COL20A1: variants seen among roughly 807,000 people sequenced by gnomAD.
COL20A1 encodes collagen alpha-1(XX) chain.
A neutral mutation model predicts 152.9 loss-of-function variants in COL20A1; 164 were observed. The ratio of observed to expected loss-of-function variants is 1.07; its 90% confidence interval spans 0.94 to 1.22. COL20A1 has a LOEUF of 1.22. Among genes scored for constraint, COL20A1 ranks in the 50% most tolerant of loss-of-function variants. The pLI is 0.00. For missense variants in COL20A1, 1,873 were observed against 1,744.8 expected (o/e 1.07, Z -1.31); for synonymous variants, 864 against 756.0 (o/e 1.14, Z -2.34).
chr20:63,307,392 G>T, intron 5 of COL20A1, 98 bp from the exon 6 acceptor site: 1 of 1,192,264 alleles, frequency 8.4e-7, no homozygotes. Flanking sequence ...GGCCCAGCCT[G>T]CCTCACTCTT....
At chr20:63,317,965 G>T (rs536466988) in intron 21 of COL20A1, among the ~76,000 whole-genome samples, 3 of 152,086 alleles carry the variant, frequency 2.0e-5, no homozygotes, top group Non-Finnish European at 2.9e-5. Flanking sequence ...CCTGCAGCCC[G>T]AGGCAGCTTC....
intron 3 of COL20A1, among the ~76,000 whole-genome samples, chr20:63,298,905 G>A (rs1000366283): frequency 4.6e-5 from 7 of 152,312 alleles, no homozygotes; most frequent in Middle Eastern, 3.4e-3. Flanking sequence ...GGTGGAAAAC[G>A]ACCGTCCCGG....
intron 21 of COL20A1, among the ~76,000 whole-genome samples, chr20:63,318,560 TC>T (rs773869246): frequency 1.8e-4 from 27 of 152,190 alleles, no homozygotes; most frequent in Non-Finnish European, 3.1e-4. Context: ...GGGGAGCTGC[TC>T]CCGAGAGCAG....
rs1036847274 is a variant in COL20A1 at position 63,305,663 on chromosome 20, G to A, written c.337+103G>A. ...TCCTCCAGGCTGCGTTCCAGCCCCA[G>A]GGGTGGGTATGTGTGAAGCAGTTCT... On this transcript the variant is annotated intron_variant, in intron 4 of 35. Coordinates refer to ENST00000358894, the MANE Select transcript of COL20A1 (RefSeq NM_020882.4). This position sits in a 1 kb window ranked among gnomAD's most constrained non-coding sequence, Gnocchi z 4.9. 2 of 1,343,364 alleles carry A rather than the reference G, an allele frequency of 1.5e-6. No homozygotes were observed. The highest frequency in any genetic ancestry group is 2.3e-4 in the Middle Eastern group (1 of 4,324). The allele number at this position is 1,343,364 out of a possible 1,614,324, so 83.2% of individuals were successfully genotyped here. A position where few individuals can be genotyped will look rare whatever the true frequency, so the allele number is the denominator to read the frequency against.
In COL20A1 at chr20:63,313,701, C is replaced by A; in HGVS notation, c.2210-42C>A. The A allele has an allele frequency of 2.6e-6, 4 of 1,513,802 alleles. No individual in the cohort carries two copies. Among genetic ancestry groups the A allele is most frequent in the Middle Eastern group, 2.3e-4 (1 of 4,402 alleles). The allele number at this position is 1,513,802 out of a possible 1,614,324, so 93.8% of individuals were successfully genotyped here. On this transcript the variant is annotated intron_variant, in intron 17 of 35. Coordinates refer to ENST00000358894, the MANE Select transcript of COL20A1 (RefSeq NM_020882.4). The surrounding 1 kb of genome is among the most constrained non-coding windows in gnomAD (Gnocchi z 5.9). The stretch of plus-strand genomic sequence containing the variant: ...CCTCTGGCCACCGGGTGCCTCCTTT[C>A]TGGAGGGGCCTGAGCCCCACACAAC...
intron 19 of COL20A1, among the ~76,000 whole-genome samples, chr20:63,314,835 C>T (rs1430018330): frequency 3.0e-5 from 4 of 135,102 alleles, no homozygotes; most frequent in East Asian, 4.0e-4. Flanking sequence ...CCAGCCTGCC[C>T]GCACACCAGG....
rs1351822118 is a variant in COL20A1 at position 63,319,921 on chromosome 20, G to C, written c.2917-118G>C. The C allele has an allele frequency of 3.9e-6, 4 of 1,030,102 alleles. No homozygotes were observed. The East Asian group carries it at 1.1e-4, about 27-fold the overall frequency. The allele number at this position is 1,030,102 out of a possible 1,614,324, so 63.8% of individuals were successfully genotyped here. ...CCCCCGAAACCTGAGGTGAGGTCAG[G>C]TTCCTGACCCCAGGTCCCAGGGATG... is the stretch of plus-strand genomic sequence containing the variant. On this transcript the variant is annotated intron_variant, in intron 23 of 35. Coordinates refer to ENST00000358894, the MANE Select transcript of COL20A1 (RefSeq NM_020882.4). The surrounding 1 kb of genome is among the most constrained non-coding windows in gnomAD (Gnocchi z 4.4).
At chr20:63,316,313 C>T (rs2123414042) in intron 20 of COL20A1, among the ~76,000 whole-genome samples, 1 of 152,226 alleles carries the variant, frequency 6.6e-6, no homozygotes, top group Non-Finnish European at 1.5e-5. Context: ...GCGGCCCCTC[C>T]CAGTGTGTTG....
Position 63,311,669 on chromosome 20 carries a change from T to TGGCAGGGACTATGAGGTTCCA in COL20A1, c.1601_1602insTCCAGGCAGGGACTATGAGGT (p.Pro528_Val534dup). The TGGCAGGGACTATGAGGTTCCA allele has an allele frequency of 3.7e-6, 6 of 1,607,654 alleles. No individual in the cohort carries two copies. Among genetic ancestry groups the TGGCAGGGACTATGAGGTTCCA allele is most frequent in the Non-Finnish European group, 5.1e-6 (6 of 1,179,148 alleles). Reference sequence around the variant, plus strand: ...AGGTGCTGCTGGATGGCCTGGAACCTGGCAGGGACTATGAGGTCTCGGTGC... The same window carrying TGGCAGGGACTATGAGGTTCCA: ...AGGTGCTGCTGGATGGCCTGGAACCTGGCAGGGACTATGAGGTTCCAGGCAGGGACTATGAGGTCTCGGTGC... On this transcript the variant is annotated inframe_insertion, in exon 13 of 36. Coordinates refer to ENST00000358894, the MANE Select transcript of COL20A1 (RefSeq NM_020882.4). This position sits in a 1 kb window ranked among gnomAD's most constrained non-coding sequence, Gnocchi z 4.4.
In COL20A1 at chr20:63,311,927, C is replaced by A. The variant is rs1453655323; in HGVS notation, c.1675C>A (p.Pro559Thr). 6.4e-7 allele frequency: 1 copy of A among 1,559,924 alleles called. No individual in the cohort carries two copies. The highest frequency in any genetic ancestry group is 8.7e-7 in the Non-Finnish European group (1 of 1,155,800). The part of the protein sequence containing the change: ...GIRARTPTLA[P>T]PRHLGFSDVS... ...GCTGTGCTTTGCAGCCACCCTGGCCCCCCCGAGACACCTGGGCTTCTCAGA... is the reference window on the plus strand; with the variant it reads ...GCTGTGCTTTGCAGCCACCCTGGCCACCCCGAGACACCTGGGCTTCTCAGA... The change falls in exon 14 of 36, where the codon CCC becomes ACC. Residue 559 changes from proline (P) to threonine (T), a missense_variant. Transcript: ENST00000358894. The surrounding 1 kb of genome is among the most constrained non-coding windows in gnomAD (Gnocchi z 4.4).
In COL20A1 at chr20:63,329,667, C is replaced by T. The variant is rs1007604898; in HGVS notation, c.*3+6C>T. On this transcript the variant is annotated splice_donor_region_variant and intron_variant, in intron 35 of 35. Transcript: ENST00000358894. ...AGGGCCTCTGGGAGTGACAGGTGAG[C>T]CCCTGCTGCCTGCATCTATCTGCCA... The T allele has an allele frequency of 1.1e-5, 17 of 1,565,350 alleles. No homozygotes were observed. The African/African-American group carries it at 2.2e-4, about 20-fold the overall frequency.
In COL20A1 at chr20:63,334,340, C is replaced by T. The variant is rs2068368325; in HGVS notation, c.*3624C>T. 6.6e-6 allele frequency: 1 copy of T among 152,262 alleles called. No homozygotes were observed. The highest frequency in any genetic ancestry group is 6.5e-5 in the Admixed American group (1 of 15,286). The allele number at this position is 152,262 out of a possible 1,614,324, so 9.4% of individuals were successfully genotyped here. On this transcript the variant is annotated 3_prime_UTR_variant, in exon 36 of 36. Transcript: ENST00000358894. Reference sequence around the variant, plus strand: ...TAACCAAATAATGATGGATGCAGCGCCACGTCAGAATCTCTGTGCTGCAGC... The same window carrying T: ...TAACCAAATAATGATGGATGCAGCGTCACGTCAGAATCTCTGTGCTGCAGC...
In COL20A1 at chr20:63,298,878, A is replaced by G. The variant is rs904009925; in HGVS notation, c.193+858A>G. Reference sequence around the variant, plus strand: ...ATGAATCAGCACTGTGGGGTGGCCAACTCAAACCCCTCCTGGGGTGGAAAA... The same window carrying G: ...ATGAATCAGCACTGTGGGGTGGCCAGCTCAAACCCCTCCTGGGGTGGAAAA... On this transcript the variant is annotated intron_variant, in intron 3 of 35. Transcript: ENST00000358894. Among the ~76,000 whole-genome samples, 28 of 152,338 alleles carry G rather than the reference A, an allele frequency of 1.8e-4. No individual in the cohort carries two copies. The Middle Eastern group carries it at 0.01, about 56-fold the overall frequency.
intron 30 of COL20A1, 32 bp from the exon 31 acceptor site, chr20:63,326,720 C>A: frequency 7.2e-7 from 1 of 1,381,730 alleles, no homozygotes; most frequent in Non-Finnish European, 9.4e-7. Flanking sequence ...GCTGGGGGCC[C>A]AAGCCAAACC....
In COL20A1 at chr20:63,327,328, G is replaced by C. The variant is rs144625286; in HGVS notation, c.3528+505G>C. 4.5e-4 allele frequency: 78 copies of C among 172,162 alleles called. 1 individual carries two copies. The East Asian group carries it at 0.013, about 30-fold the overall frequency. 10.7% of individuals were successfully genotyped at this position (172,162 alleles called of 1,614,324 possible). On this transcript the variant is annotated intron_variant, in intron 31 of 35. Transcript: ENST00000358894. Reference sequence around the variant, plus strand: ...TTGTTGGAGGCCTGTTCTGAGCTGGGAGCTTGGTGTTGGTGCTAGTACAAG... The same window carrying C: ...TTGTTGGAGGCCTGTTCTGAGCTGGCAGCTTGGTGTTGGTGCTAGTACAAG...
At position 63,312,510 on chromosome 20, in the gene COL20A1, G is replaced by A. The variant is rs368905948; in HGVS notation, c.1894G>A (p.Gly632Arg). Residue 632 changes from glycine (G) to arginine (R), a missense_variant, in exon 15 of 36, where the codon GGG (glycine) becomes AGG (arginine). Gly to Arg is a moderately radical substitution (Grantham distance 125). Transcript: ENST00000358894. ...TGTCCGTGTCACCTGCCTCTACCCTGGGGGTGGCTCCTCTACGCTGACTGG... is the reference window on the plus strand; with the variant it reads ...TGTCCGTGTCACCTGCCTCTACCCTAGGGGTGGCTCCTCTACGCTGACTGG... ...YTVRVTCLYPGGGSSTLTGRV... is the reference protein window; with the variant it reads ...YTVRVTCLYPRGGSSTLTGRV... 20 of 1,607,240 alleles carry A rather than the reference G, an allele frequency of 1.2e-5. No homozygotes were observed. The highest frequency in any genetic ancestry group is 1.7e-5 in the Non-Finnish European group (20 of 1,178,202).
intron 3 of COL20A1, 29 bp downstream of exon 3, chr20:63,298,049 TC>T (rs745845292): frequency 6.6e-7 from 1 of 1,506,856 alleles, no homozygotes; most frequent in Non-Finnish European, 9.2e-7. Flanking sequence ...CAGGCCCCCT[TC>T]CCCATTAGCA....
intron 31 of COL20A1, 152 bp from the exon 32 acceptor site, chr20:63,327,800 C>T: frequency 1.3e-6 from 1 of 764,892 alleles, no homozygotes; most frequent in Non-Finnish European, 2.2e-6. Context: ...CCACAGGCTC[C>T]TAGGATCTGG....
rs1287483569 is a variant in COL20A1, at chr20:63,320,171, AG to A, written c.3053del (p.Gly1018AlafsTer119). 1.3e-6 allele frequency: 2 copies of A among 1,562,118 alleles called. No individual in the cohort carries two copies. Among genetic ancestry groups the A allele is most frequent in the Non-Finnish European group, 8.7e-7 (1 of 1,155,602 alleles). ...FVTLGRLAKA[R>X]GPRSSSAAFQ... ...CACGCTGGGGAGGCTGGCCAAGGCC[AG>A]GGGCCCCCGGAGCAGTTCGGCCGCG... is the stretch of plus-strand genomic sequence containing the variant. On this transcript the variant is annotated frameshift_variant, in exon 24 of 36. Transcript: ENST00000358894. LOFTEE classifies it high-confidence loss of function.
Sources: allele counts gnomAD v4.1 joint callset (sites outside exome capture counted in the v4.1 genomes callset), GRCh38; gene constraint gnomAD v4.1.1; non-coding constraint Gnocchi (gnomAD v3.1); transcripts MANE v1.5; gene names NCBI Gene and HGNC (gene_info 2026-07-23, HGNC 2026-07-21).